AKAP8: variants seen among roughly 807,000 people sequenced by gnomAD.
AKAP8 encodes A-kinase anchoring protein 8.
A neutral mutation model predicts 67.5 loss-of-function variants in AKAP8; 24 were observed. The observed-to-expected ratio is 0.36, with a 90% CI of 0.26 to 0.50. The LOEUF (loss-of-function observed/expected upper bound fraction) is 0.50, where lower values mean the gene tolerates loss of function less well. Ranked by LOEUF, AKAP8 falls within the 20% of genes least tolerant of loss-of-function variation. The pLI, the probability that AKAP8 is intolerant of heterozygous loss-of-function variation, is 0.97. For synonymous variants in AKAP8, 400 were observed against 371.1 expected, an observed-to-expected ratio of 1.08 and a Z score of -0.90; for missense variants, 971 against 955.9, an observed-to-expected ratio of 1.02 and a Z score of -0.21.
chr19:15,374,876 G>A (rs1322272999), intron 2 of AKAP8, among the ~76,000 whole-genome samples: 5 of 152,200 alleles, frequency 3.3e-5, no homozygotes, highest in Admixed American at 1.3e-4. Flanking sequence ...GCAAGGGAAG[G>A]GACGCCGCAC....
chr19:15,371,971 C>T lies in AKAP8; in HGVS notation c.1019G>A (p.Gly340Glu), dbSNP rs149598752. The change falls in exon 7 of 14, where the codon GGA (glycine) becomes GAA (glutamate). Residue 340 changes from glycine to glutamate, a missense_variant. This residue lies in a region of AKAP8 where 763 missense variants were observed against 745.4 expected (regional missense o/e 1.02). Transcript: ENST00000269701. Reference sequence around the variant, plus strand: ...ACTTACACCCTTGAATTCTTCATCTCCTGAGCGGAAGTCACCAGCTGCGTC... The same window carrying T: ...ACTTACACCCTTGAATTCTTCATCTTCTGAGCGGAAGTCACCAGCTGCGTC... ...NDDAAGDFRS[G>E]DEEFKGEDEL... The T allele has an allele frequency of 1.9e-6, 3 of 1,613,990 alleles. No homozygotes were observed. The highest frequency in any genetic ancestry group is 1.3e-5 in the African/African-American group (1 of 74,906).
rs2048260149 is a variant in AKAP8, at chr19:15,353,877, G to A, written c.*1038C>T. ...TGCTAGCCTCCCTTTCTCAGATTTG[G>A]AAAGATCTAAAGTAATAGTTATTTC... On this transcript the variant is annotated 3_prime_UTR_variant, in exon 14 of 14. Coordinates refer to ENST00000269701, the MANE Select transcript of AKAP8 (RefSeq NM_005858.4). The A allele has an allele frequency of 6.6e-6, 1 of 151,786 alleles. No individual in the cohort carries two copies. Among genetic ancestry groups the A allele is most frequent in the South Asian group, 2.1e-4 (1 of 4,804 alleles). 9.4% of individuals were successfully genotyped at this position (151,786 alleles called of 1,614,324 possible). A position where few individuals can be genotyped will look rare whatever the true frequency, so the allele number is the denominator to read the frequency against.
chr19:15,354,966 A>C lies in AKAP8; in HGVS notation c.2028T>G (p.Ala676=). The change falls in exon 14 of 14, where the codon GCT becomes GCG. Residue 676 remains alanine, a synonymous_variant. Transcript: ENST00000269701. ...ACTCTGCATCAGTTTGTTCCACTTC[A>C]GCATCCGCGGCAGCTGGGGCAGGAG... ...RVAPAPAAAD[A]EVEQTDAESK... 3 of 1,614,186 alleles carry C rather than the reference A, an allele frequency of 1.9e-6. No homozygotes were observed. The highest frequency in any genetic ancestry group is 2.5e-6 in the Non-Finnish European group (3 of 1,180,044).
At chr19:15,363,489 G>T (rs1467083056) in intron 9 of AKAP8, among the ~76,000 whole-genome samples, 2 of 141,016 alleles carry the variant, frequency 1.4e-5, no homozygotes, top group African/African-American at 5.5e-5. Context: ...AGGTGGGGGG[G>T]GTCAGCCCCC....
rs201087231 is a variant in AKAP8 at position 15,372,864 on chromosome 19, C to A, written c.848G>T (p.Arg283Leu). ...GCGAGGGCTTACCCGATCCCGATCC[C>A]GCATCCGAGGCTGCGAGCGGCCACA... ...YGCGRSQPRM[R>L]DRDRPKRRGF... The change falls in exon 5 of 14, where the codon CGG becomes CTG. Residue 283 changes from arginine (R) to leucine (L), a missense_variant. By Grantham distance (102) the Arg-to-Leu change is moderately radical. This residue lies in a region of AKAP8 where 763 missense variants were observed against 745.4 expected (regional missense o/e 1.02). Coordinates refer to ENST00000269701, the MANE Select transcript of AKAP8 (RefSeq NM_005858.4). 8.7e-6 allele frequency: 13 copies of A among 1,500,368 alleles called. No homozygotes were observed. The African/African-American group carries it at 1.5e-4, about 18-fold the overall frequency. The allele number at this position is 1,500,368 out of a possible 1,614,324, so 92.9% of individuals were successfully genotyped here. A position where few individuals can be genotyped will look rare whatever the true frequency, so the allele number is the denominator to read the frequency against.
Position 15,368,936 on chromosome 19 carries a change from T to C in AKAP8, c.1073-614A>G, listed in dbSNP as rs538402126. On this transcript the variant is annotated intron_variant, in intron 8 of 13. Transcript: ENST00000269701. ...AGAAAAAAATTTGGGAAGAGACCAA[T>C]TGGTCCTCCCGTCCGTCCCCCGGGG... 1.1e-5 allele frequency: 11 copies of C among 985,858 alleles called. No individual in the cohort carries two copies. In the South Asian group the frequency reaches 2.3e-4, roughly 21 times the overall value. 61.1% of individuals were successfully genotyped at this position (985,858 alleles called of 1,614,324 possible).
intron 1 of AKAP8, 45 bp downstream of exon 1, chr19:15,379,668 A>C (rs1002471893): frequency 6.3e-7 from 1 of 1,593,672 alleles, no homozygotes; most frequent in Non-Finnish European, 8.5e-7. Flanking sequence ...CGTCGCCCGC[A>C]CAGAGCCTTC....
At chr19:15,357,890 C>T (rs927586079) in intron 13 of AKAP8, among the ~76,000 whole-genome samples, 2 of 151,694 alleles carry the variant, frequency 1.3e-5, no homozygotes, top group East Asian at 1.9e-4. Flanking sequence ...CCATGTTGTC[C>T]GGGCTGGTCT....
intron 9 of AKAP8, among the ~76,000 whole-genome samples, chr19:15,364,125 A>AAAAAAAAAC (rs1555754624): frequency 7.0e-6 from 1 of 143,392 alleles, no homozygotes; most frequent in Non-Finnish European, 1.5e-5. Flanking sequence ...AAAAAAAAAA[A>AAAAAAAAAC]GAAACAGGAT....
rs777549589 is a variant in AKAP8 at position 15,373,880 on chromosome 19, T to C, written c.277A>G (p.Ile93Val). 16 of 1,613,248 alleles carry C rather than the reference T, an allele frequency of 9.9e-6. No individual in the cohort carries two copies. Among genetic ancestry groups the C allele is most frequent in the Admixed American group, 5.0e-5 (3 of 60,000 alleles). The change falls in exon 4 of 14, where the codon ATT becomes GTT. Residue 93 changes from isoleucine (I) to valine (V), a missense_variant. By Grantham distance (29) the Ile-to-Val change is conservative. Coordinates refer to ENST00000269701, the MANE Select transcript of AKAP8 (RefSeq NM_005858.4). ...TCCAAACGCTGGTTGATCTTGGCAA[T>C]GAGGGAGTCGGAATTGTCGGTGCAT... ...EPCTDNSDSL[I>V]AKINQRLDMM...
At chr19:15,379,651 G>T (rs1967338022) in intron 1 of AKAP8, 62 bp downstream of exon 1, 21 of 1,560,056 alleles carry the variant, frequency 1.3e-5, no homozygotes, top group Non-Finnish European at 1.8e-5. Flanking sequence ...AGTCTGCGCA[G>T]CGGCTGCGTC....
chr19:15,374,770 G>A, intron 2 of AKAP8, 135 bp from the exon 3 acceptor site: 1 of 970,794 alleles, frequency 1.0e-6, no homozygotes, highest in Non-Finnish European at 1.5e-6. Flanking sequence ...GACACCCTTG[G>A]GTGTTTTTAG....
chr19:15,361,768 C>G lies in AKAP8; in HGVS notation c.1357G>C (p.Glu453Gln), dbSNP rs139715279. 5 of 1,614,132 alleles carry G rather than the reference C, an allele frequency of 3.1e-6. No individual in the cohort carries two copies. The highest frequency in any genetic ancestry group is 4.2e-6 in the Non-Finnish European group (5 of 1,179,986). ...GGTTTTGGTTTTGCGGTTTCTTTCT[C>G]CATCAATTCCTGACGCCGCTTCTCA... Reference protein sequence around the residue: ...KIEKRRQELMEKETAKPKPDP... With the variant: ...KIEKRRQELMQKETAKPKPDP... The change falls in exon 11 of 14, where the codon GAG becomes CAG. Residue 453 changes from glutamate to glutamine, a missense_variant. Glu to Gln is a conservative substitution (Grantham distance 29). This residue lies in a region of AKAP8 where 763 missense variants were observed against 745.4 expected (regional missense o/e 1.02). Transcript: ENST00000269701.
intron 9 of AKAP8, among the ~76,000 whole-genome samples, chr19:15,364,397 C>G (rs868322052): frequency 6.6e-6 from 1 of 152,132 alleles, no homozygotes; most frequent in Non-Finnish European, 1.5e-5. Context: ...GTTGCCCAGG[C>G]TGGAGTGCAG....
chr19:15,357,443 AAAAAAAAAAAAAAAAT>A (rs1276581690), intron 13 of AKAP8, among the ~76,000 whole-genome samples: 4 of 150,046 alleles, frequency 2.7e-5, no homozygotes, highest in African/African-American at 9.8e-5. Flanking sequence ...AAAAAAAAAA[AAAAAAAAAAAAAAAAT>A]TAGCCAGGTG....
intron 5 of AKAP8, among the ~76,000 whole-genome samples, 171 bp from the exon 6 acceptor site, chr19:15,372,518 A>C (rs1967176816): frequency 6.6e-6 from 1 of 152,224 alleles, no homozygotes; most frequent in Admixed American, 6.5e-5. Context: ...GAGTGAAAAG[A>C]AGCCAGGAAC....
At chr19:15,371,817 A>G (rs1047160683) in intron 7 of AKAP8, 135 bp downstream of exon 7, 5 of 986,582 alleles carry the variant, frequency 5.1e-6, no homozygotes, top group Non-Finnish European at 7.6e-6. Flanking sequence ...AATCTAGCTA[A>G]AAGTCAGGGT....
intron 4 of AKAP8, 102 bp downstream of exon 4, chr19:15,373,684 G>T: frequency 7.3e-7 from 1 of 1,369,312 alleles, no homozygotes; most frequent in African/African-American, 1.4e-5. Context: ...CACCCAAGAG[G>T]GAGGCGGGGA....
At chr19:15,355,401 G>T in intron 13 of AKAP8, 31 bp from the exon 14 acceptor site, 1 of 1,585,530 alleles carries the variant, frequency 6.3e-7, no homozygotes, top group Non-Finnish European at 8.6e-7. Flanking sequence ...GGTCAGCGTG[G>T]TGTAAGCAGA....
Sources: allele counts gnomAD v4.1 joint callset (sites outside exome capture counted in the v4.1 genomes callset), GRCh38; gene constraint gnomAD v4.1.1; regional missense constraint gnomAD v4.1.1; transcripts MANE v1.5; gene names NCBI Gene and HGNC (gene_info 2026-07-23, HGNC 2026-07-21).